NEGR1: variants seen among roughly 807,000 people sequenced by gnomAD.
NEGR1 encodes the protein neuronal growth regulator 1.
In NEGR1, 10 loss-of-function variants were observed where a neutral mutation model predicts 40.9. The observed-to-expected ratio is 0.24, with a 90% CI of 0.15 to 0.42. The LOEUF is 0.42. NEGR1 is among the 10% of genes least tolerant of loss of function. NEGR1 has a pLI of 1.00. For missense variants in NEGR1, 352 were observed against 438.9 expected (o/e 0.80, Z 1.77); for synonymous variants, 185 against 166.8 (o/e 1.11, Z -0.84).
rs1398279208 is a variant in NEGR1 at position 71,402,830 on chromosome 1, C to T, written c.*4616G>A. 1 of 151,980 alleles carries T rather than the reference C, an allele frequency of 6.6e-6. No homozygotes were observed. The highest frequency in any genetic ancestry group is 1.5e-5 in the Non-Finnish European group (1 of 67,974). The allele number at this position is 151,980 out of a possible 1,614,324, so 9.4% of individuals were successfully genotyped here. On this transcript the variant is annotated 3_prime_UTR_variant, in exon 7 of 7. Transcript: ENST00000357731. Reference sequence around the variant, plus strand: ...TATTCTTTTGAGAGGGAAACTAGCTCTGTTTCATGTGCTGGTTTTCCATGT... The same window carrying T: ...TATTCTTTTGAGAGGGAAACTAGCTTTGTTTCATGTGCTGGTTTTCCATGT...
intron 3 of NEGR1, among the ~76,000 whole-genome samples, chr1:71,764,533 G>A (rs756734553): frequency 1.3e-5 from 2 of 151,938 alleles, no homozygotes; most frequent in Non-Finnish European, 2.9e-5. Context: ...AGTTCAAAAC[G>A]GGTCATAAAG....
intron 1 of NEGR1, among the ~76,000 whole-genome samples, chr1:72,118,392 G>A (rs1223431285): frequency 6.6e-6 from 1 of 151,710 alleles, no homozygotes; most frequent in Non-Finnish European, 1.5e-5. Flanking sequence ...ATTTCTTACA[G>A]CAAAGACTCC....
intron 2 of NEGR1, among the ~76,000 whole-genome samples, chr1:71,898,193 G>T (rs185589904): frequency 6.6e-6 from 1 of 152,094 alleles, no homozygotes; most frequent in African/African-American, 2.4e-5. Flanking sequence ...TAAAATTTCC[G>T]TCATTGAGGA....
intron 1 of NEGR1, among the ~76,000 whole-genome samples, chr1:72,172,104 A>G (rs1651984716): frequency 6.6e-6 from 1 of 152,184 alleles, no homozygotes; most frequent in African/African-American, 2.4e-5. Context: ...AGGTGGAAGG[A>G]TGGAGAGGTC....
At chr1:72,216,396 T>C (rs1416876362) in intron 1 of NEGR1, among the ~76,000 whole-genome samples, 3 of 139,406 alleles carry the variant, frequency 2.2e-5, no homozygotes, top group South Asian at 2.1e-4. Context: ...TATATATATA[T>C]ATATACATAT....
intron 2 of NEGR1, among the ~76,000 whole-genome samples, chr1:71,864,543 G>A (rs1177463471): frequency 6.6e-6 from 1 of 152,066 alleles, no homozygotes; most frequent in Non-Finnish European, 1.5e-5. Flanking sequence ...TGTATAGTAG[G>A]TGAAAAGGTG....
At chr1:71,743,721 T>C (rs1655288313) in intron 3 of NEGR1, among the ~76,000 whole-genome samples, 1 of 152,186 alleles carries the variant, frequency 6.6e-6, no homozygotes, top group Admixed American at 6.5e-5. Flanking sequence ...AAGATCAGCC[T>C]GCAATTGCAG....
At chr1:72,101,219 T>C (rs1338880612) in intron 1 of NEGR1, among the ~76,000 whole-genome samples, 1 of 152,170 alleles carries the variant, frequency 6.6e-6, no homozygotes, top group Non-Finnish European at 1.5e-5. Context: ...AAGTCATCTG[T>C]GTAGTTTTCT....
chr1:71,583,893 AG>A (rs1649214704), intron 6 of NEGR1, among the ~76,000 whole-genome samples: 1 of 152,324 alleles, frequency 6.6e-6, no homozygotes, highest in African/African-American at 2.4e-5. Context: ...ATTGACTCAA[AG>A]AAAGGAACCG....
At chr1:71,637,346 C>G (rs1052928572) in intron 4 of NEGR1, among the ~76,000 whole-genome samples, 3 of 151,850 alleles carry the variant, frequency 2.0e-5, no homozygotes, top group Admixed American at 6.6e-5. Context: ...CAAAAAGAGG[C>G]TTTTACCATG....
intron 4 of NEGR1, among the ~76,000 whole-genome samples, chr1:71,668,512 T>C (rs970150079): frequency 2.0e-5 from 3 of 152,134 alleles, no homozygotes; most frequent in Non-Finnish European, 4.4e-5. Context: ...GATAGAATAT[T>C]TGCCTTTGAG....
At chr1:71,801,980 A>G (rs901542295) in intron 2 of NEGR1, among the ~76,000 whole-genome samples, 2 of 152,216 alleles carry the variant, frequency 1.3e-5, no homozygotes, top group African/African-American at 4.8e-5. Context: ...CTCAGCTGAA[A>G]ATGAGGAACA....
At chr1:71,474,731 A>AAAAAAAAC (rs1557538931) in intron 6 of NEGR1, among the ~76,000 whole-genome samples, 7 of 148,808 alleles carry the variant, frequency 4.7e-5, no homozygotes, top group Non-Finnish European at 7.4e-5. Flanking sequence ...AAAAAAAAAA[A>AAAAAAAAC]AAAAAAACAA....
chr1:71,560,429 T>TTAGATATATATATATATATATA (rs1648410866), intron 6 of NEGR1, among the ~76,000 whole-genome samples: 1 of 114,266 alleles, frequency 8.8e-6, no homozygotes, highest in Non-Finnish European at 1.8e-5. Context: ...TAATTCTCCA[T>TTAGATATATATATATATATATA]TATATATATA....
chr1:71,446,047 T>A (rs1003117473), intron 6 of NEGR1, among the ~76,000 whole-genome samples: 5 of 152,364 alleles, frequency 3.3e-5, no homozygotes, highest in African/African-American at 1.2e-4. Flanking sequence ...ACTATTGTTT[T>A]TAAAATAGTG....
chr1:72,121,022 T>G (rs1649783027), intron 1 of NEGR1, among the ~76,000 whole-genome samples: 1 of 152,136 alleles, frequency 6.6e-6, no homozygotes, highest in African/African-American at 2.4e-5. Flanking sequence ...TTGACTCTAT[T>G]TAAACATTGA....
At chr1:72,109,140 T>C (rs1418626577) in intron 1 of NEGR1, among the ~76,000 whole-genome samples, 1 of 151,648 alleles carries the variant, frequency 6.6e-6, no homozygotes, top group South Asian at 2.1e-4. Context: ...GTAGACAAAT[T>C]TCTCAATATG....
At chr1:72,267,107 C>T (rs1322470490) in intron 1 of NEGR1, among the ~76,000 whole-genome samples, 2 of 150,830 alleles carry the variant, frequency 1.3e-5, no homozygotes, top group African/African-American at 4.8e-5. Flanking sequence ...GAGGAGCTTC[C>T]AACGTTTACC....
intron 2 of NEGR1, among the ~76,000 whole-genome samples, chr1:71,872,874 A>G (rs1322336769): frequency 1.3e-5 from 2 of 152,232 alleles, no homozygotes; most frequent in South Asian, 2.1e-4. Context: ...GTTTGTTGCC[A>G]TGTGGACATT....
Sources: gnomAD v4.1 joint callset for allele counts (sites outside exome capture counted in the v4.1 genomes callset) on GRCh38, gnomAD v4.1.1 for gene constraint, MANE v1.5 for transcripts, NCBI Gene and HGNC (gene_info 2026-07-23, HGNC 2026-07-21) for gene names.